Variants in ZBTB21 observed in about 807,000 individuals in gnomAD.
ZBTB21 encodes the protein zinc finger and BTB domain containing 21, also known as zinc finger and BTB domain-containing protein 21.
A neutral mutation model predicts 39.8 loss-of-function variants in ZBTB21; 10 were observed. That is an observed-to-expected ratio of 0.25 (90% CI 0.16 to 0.43). The LOEUF (loss-of-function observed/expected upper bound fraction) is 0.43. Ranked by LOEUF, ZBTB21 falls within the 20% of genes least tolerant of loss-of-function variation. ZBTB21 has a pLI of 1.00. For synonymous variants in ZBTB21, 551 were observed against 498.8 expected, an observed-to-expected ratio of 1.10 and a Z score of -1.40; for missense variants, 1,221 against 1,296.3, an observed-to-expected ratio of 0.94 and a Z score of 0.89.
chr21:41,990,131 G>T lies in ZBTB21; in HGVS notation c.*764C>A, dbSNP rs1280565389. On this transcript the variant is annotated 3_prime_UTR_variant, in exon 3 of 3. Transcript: ENST00000310826. ...GCAGTGTACATGTAACATGGTACAA[G>T]TTTTTATAACAATGTCTATCACTAC... 1 of 152,300 alleles carries T rather than the reference G, an allele frequency of 6.6e-6. No homozygotes were observed. Among genetic ancestry groups the T allele is most frequent in the African/African-American group, 2.4e-5 (1 of 41,438 alleles). The allele number at this position is 152,300 out of a possible 1,614,324, so 9.4% of individuals were successfully genotyped here. A position where few individuals can be genotyped will look rare whatever the true frequency, so the allele number is the denominator to read the frequency against.
intron 2 of ZBTB21, chr21:42,002,653 T>C (rs561931980): frequency 9.2e-5 from 14 of 152,316 alleles, no homozygotes; most frequent in African/African-American, 3.4e-4. Flanking sequence ...ACAGAAGCAG[T>C]GCATCTTACA....
chr21:41,989,281 A>G lies in ZBTB21; in HGVS notation c.*1614T>C, dbSNP rs1434694170. On this transcript the variant is annotated 3_prime_UTR_variant, in exon 3 of 3. Coordinates refer to ENST00000310826, the MANE Select transcript of ZBTB21 (RefSeq NM_001098402.2). Reference sequence around the variant, plus strand: ...GTATTTTATAAAAATGTCTGGTTCAATAAAAAAAATGAGAATATCTTTCCT... The same window carrying G: ...GTATTTTATAAAAATGTCTGGTTCAGTAAAAAAAATGAGAATATCTTTCCT... 1 of 152,174 alleles carries G rather than the reference A, an allele frequency of 6.6e-6. No individual in the cohort carries two copies. Among genetic ancestry groups the G allele is most frequent in the East Asian group, 1.9e-4 (1 of 5,202 alleles). The allele number at this position is 152,174 out of a possible 1,614,324, so 9.4% of individuals were successfully genotyped here. A position where few individuals can be genotyped will look rare whatever the true frequency, so the allele number is the denominator to read the frequency against.
chr21:42,010,134 A>G (rs1248668586), intron 1 of ZBTB21, 118 bp downstream of exon 1: 10 of 389,094 alleles, frequency 2.6e-5, no homozygotes, highest in Non-Finnish European at 4.1e-5. Flanking sequence ...GGTGGAGAAA[A>G]AAGAGGAGAG....
In ZBTB21 at chr21:41,990,334, A is replaced by T. The variant is rs949338611; in HGVS notation, c.*561T>A. The T allele has an allele frequency of 1.3e-5, 2 of 152,666 alleles. No individual in the cohort carries two copies. Among genetic ancestry groups the T allele is most frequent in the Admixed American group, 6.5e-5 (1 of 15,286 alleles). The allele number at this position is 152,666 out of a possible 1,614,324, so 9.5% of individuals were successfully genotyped here. A position where few individuals can be genotyped will look rare whatever the true frequency, so the allele number is the denominator to read the frequency against. On this transcript the variant is annotated 3_prime_UTR_variant, in exon 3 of 3. Coordinates refer to ENST00000310826, the MANE Select transcript of ZBTB21 (RefSeq NM_001098402.2). The stretch of plus-strand genomic sequence containing the variant: ...TTCTCACAATTTTCATACAAAAAGA[A>T]GTTTTACATGACCACAAAATACCAA...
chr21:41,998,518 T>G (rs952098844), intron 2 of ZBTB21, among the ~76,000 whole-genome samples: 6 of 152,196 alleles, frequency 3.9e-5, no homozygotes, highest in African/African-American at 1.4e-4. Flanking sequence ...AATGCCATAT[T>G]TTCTTTCAAA....
At chr21:42,001,076 A>G (rs1338620685) in intron 2 of ZBTB21, among the ~76,000 whole-genome samples, 2 of 152,210 alleles carry the variant, frequency 1.3e-5, no homozygotes, top group African/African-American at 4.8e-5. Flanking sequence ...AGGTACTATT[A>G]TTATCCCCAT....
At chr21:42,000,082 C>T (rs550251604) in intron 2 of ZBTB21, among the ~76,000 whole-genome samples, 18 of 151,882 alleles carry the variant, frequency 1.2e-4, no homozygotes, top group Non-Finnish European at 2.2e-4. Context: ...GTGGTAGCAA[C>T]GGAGGTAAAG....
intron 2 of ZBTB21, among the ~76,000 whole-genome samples, chr21:41,994,529 T>G (rs574482260): frequency 6.6e-6 from 1 of 152,322 alleles, no homozygotes; most frequent in Non-Finnish European, 1.5e-5. Flanking sequence ...GAAAATCAGC[T>G]TTATTACTAC....
intron 2 of ZBTB21, among the ~76,000 whole-genome samples, chr21:41,998,794 A>G (rs879804543): frequency 4.6e-5 from 7 of 152,198 alleles, no homozygotes; most frequent in Admixed American, 2.0e-4. Flanking sequence ...AATTTAACCG[A>G]CTGAGACACA....
intron 1 of ZBTB21, among the ~76,000 whole-genome samples, chr21:42,008,882 A>G (rs2065917905): frequency 6.6e-6 from 1 of 152,226 alleles, no homozygotes; most frequent in Admixed American, 6.5e-5. Context: ...TTTAAACTTA[A>G]TGACTACTAG....
At position 41,988,758 on chromosome 21, in the gene ZBTB21, ATAT is replaced by A. The variant is rs2146265774; in HGVS notation, c.*2134_*2136del. ...TGCAGAACCTATGTTTAGATCAAAAATATTTTTTTTTTTTACTGATTAACAATA... is the reference window on the plus strand; with the variant it reads ...TGCAGAACCTATGTTTAGATCAAAAATTTTTTTTTTTACTGATTAACAATA... On this transcript the variant is annotated 3_prime_UTR_variant, in exon 3 of 3. Coordinates refer to ENST00000310826, the MANE Select transcript of ZBTB21 (RefSeq NM_001098402.2). 6.7e-6 allele frequency: 1 copy of A among 149,854 alleles called. No individual in the cohort carries two copies. Among genetic ancestry groups the A allele is most frequent in the Admixed American group, 6.6e-5 (1 of 15,156 alleles). The allele number at this position is 149,854 out of a possible 1,614,324, so 9.3% of individuals were successfully genotyped here. A position where few individuals can be genotyped will look rare whatever the true frequency, so the allele number is the denominator to read the frequency against.
chr21:41,997,602 A>C (rs1028408355), intron 2 of ZBTB21, among the ~76,000 whole-genome samples: 2 of 138,892 alleles, frequency 1.4e-5, no homozygotes, highest in African/African-American at 5.3e-5. Flanking sequence ...AAAAAACAAA[A>C]AAACAAAAAA....
At position 41,994,042 on chromosome 21, in the gene ZBTB21, A is replaced by G; in HGVS notation, c.54T>C (p.Ser18=). 1 of 1,613,862 alleles carries G rather than the reference A, an allele frequency of 6.2e-7. No individual in the cohort carries two copies. The highest frequency in any genetic ancestry group is 8.5e-7 in the Non-Finnish European group (1 of 1,179,904). ...INPAHAISLL[S]ALNEERLKGQ... ...CTTTGAGACGCTCCTCATTCAGGGCACTTAGGAGAGAAATGGCGTGTGCAG... is the reference window on the plus strand; with the variant it reads ...CTTTGAGACGCTCCTCATTCAGGGCGCTTAGGAGAGAAATGGCGTGTGCAG... The change falls in exon 3 of 3, where the codon AGT becomes AGC. Residue 18 remains serine (S), a synonymous_variant. Transcript: ENST00000310826.
chr21:41,992,004 G>A lies in ZBTB21; in HGVS notation c.2092C>T (p.Leu698Phe), dbSNP rs2065666967. Residue 698 changes from leucine (L) to phenylalanine (F), a missense_variant, in exon 3 of 3, where the codon CTT becomes TTT. Physicochemically the swap from Leu to Phe is conservative, Grantham distance 22 (BLOSUM62 0). Transcript: ENST00000310826. This position sits in a 1 kb window ranked among gnomAD's most constrained non-coding sequence, Gnocchi z 4.1. The part of the protein sequence containing the change: ...HIKMHPGEKP[L>F]GVNKVAKPKE... The stretch of plus-strand genomic sequence containing the variant: ...GGTTTAGCAACTTTATTTACTCCAA[G>A]GGGTTTTTCTCCTGGATGCATTTTT... The A allele has an allele frequency of 6.2e-7, 1 of 1,614,182 alleles. No individual in the cohort carries two copies.
Position 41,991,004 on chromosome 21 carries a change from G to C in ZBTB21, c.3092C>G (p.Ala1031Gly), listed in dbSNP as rs774387444. ...AAATGTGATTGCTGAAAGGGGTGGGGCATGGTAAAAAAGGGTGTCTGATTC... is the reference window on the plus strand; with the variant it reads ...AAATGTGATTGCTGAAAGGGGTGGGCCATGGTAAAAAAGGGTGTCTGATTC... ...PQESDTLFYH[A>G]PPLSAITFKR... Residue 1031 changes from alanine to glycine, a missense_variant, in exon 3 of 3, where the codon GCC becomes GGC. Physicochemically the swap from Ala to Gly is moderately conservative, Grantham distance 60 (BLOSUM62 0). Transcript: ENST00000310826. This position sits in a 1 kb window ranked among gnomAD's most constrained non-coding sequence, Gnocchi z 4.9. 6.4e-7 allele frequency: 1 copy of C among 1,562,420 alleles called. No individual in the cohort carries two copies. Among genetic ancestry groups the C allele is most frequent in the Non-Finnish European group, 8.6e-7 (1 of 1,156,692 alleles).
intron 1 of ZBTB21, among the ~76,000 whole-genome samples, chr21:42,008,924 C>G (rs562163981): frequency 3.3e-5 from 5 of 152,134 alleles, no homozygotes; most frequent in African/African-American, 9.7e-5. Context: ...TCCAAGTACA[C>G]GAGGAAAGCT....
Position 41,992,675 on chromosome 21 carries a change from T to C in ZBTB21, c.1421A>G (p.Gln474Arg), listed in dbSNP as rs1237324920. The change falls in exon 3 of 3, where the codon CAA (glutamine) becomes CGA (arginine). Residue 474 changes from glutamine (Q) to arginine (R), a missense_variant. Around this residue, in one of 4 missense-constraint regions of ZBTB21, gnomAD observed 500 missense variants for 465.6 expected, o/e 1.07. Coordinates refer to ENST00000310826, the MANE Select transcript of ZBTB21 (RefSeq NM_001098402.2). The surrounding 1 kb of genome is among the most constrained non-coding windows in gnomAD (Gnocchi z 4.1). ...RDLSLKTEDD[Q>R]KDMSRLPAKR... The stretch of plus-strand genomic sequence containing the variant: ...TGCTGGGAGTCTGCTCATGTCTTTT[T>C]GGTCATCTTCTGTTTTCAGAGACAG... 1.2e-6 allele frequency: 2 copies of C among 1,614,152 alleles called. No individual in the cohort carries two copies. Among genetic ancestry groups the C allele is most frequent in the Admixed American group, 3.3e-5 (2 of 60,020 alleles).
In ZBTB21 at chr21:41,991,072, G is replaced by C. The variant is rs61732324; in HGVS notation, c.3024C>G (p.Ser1008=). 2 of 1,597,142 alleles carry C rather than the reference G, an allele frequency of 1.3e-6. No individual in the cohort carries two copies. The highest frequency in any genetic ancestry group is 1.8e-5 in the Admixed American group (1 of 56,456). Residue 1008 remains serine (S), a synonymous_variant, in exon 3 of 3, where the codon TCC becomes TCG. Coordinates refer to ENST00000310826, the MANE Select transcript of ZBTB21 (RefSeq NM_001098402.2). The surrounding 1 kb of genome is among the most constrained non-coding windows in gnomAD (Gnocchi z 4.9). ...TTTCTGTGGCTGGAGTTGGGTTTTC[G>C]GACAGGCCTGTGGGGCTGTCAGGCT... ...PLEPDSPTGL[S]ENPTPATEKL...
At position 41,991,335 on chromosome 21, in the gene ZBTB21, G is replaced by A. The variant is rs1431227424; in HGVS notation, c.2761C>T (p.His921Tyr). The A allele has an allele frequency of 3.1e-6, 5 of 1,608,100 alleles. No homozygotes were observed. Among genetic ancestry groups the A allele is most frequent in the Non-Finnish European group, 4.2e-6 (5 of 1,176,952 alleles). Residue 921 changes from histidine (H) to tyrosine (Y), a missense_variant, in exon 3 of 3, where the codon CAT becomes TAT. Physicochemically the swap from His to Tyr is moderately conservative, Grantham distance 83. This residue lies in a region of ZBTB21 where 523 missense variants were observed against 542.5 expected (regional missense o/e 0.96). Transcript: ENST00000310826. The surrounding 1 kb of genome is among the most constrained non-coding windows in gnomAD (Gnocchi z 4.9). ...CEKCGKMFTV[H>Y]KQLERHQELL... Reference sequence around the variant, plus strand: ...TCCTGGTGACGCTCCAGCTGCTTATGCACCGTGAACATCTTCCCACACTTC... The same window carrying A: ...TCCTGGTGACGCTCCAGCTGCTTATACACCGTGAACATCTTCCCACACTTC...
Sources: gnomAD v4.1 joint callset for allele counts (sites outside exome capture counted in the v4.1 genomes callset) on GRCh38, gnomAD v4.1.1 for gene constraint, gnomAD v4.1.1 regional missense constraint, Gnocchi (gnomAD v3.1) non-coding constraint, MANE v1.5 for transcripts, NCBI Gene and HGNC (gene_info 2026-07-23, HGNC 2026-07-21) for gene names.